Variants in CDC73 observed in about 807,000 individuals in gnomAD.
CDC73 encodes the protein cell division cycle 73.
CDC73 carries 21 observed loss-of-function variants against 83.7 expected under a neutral mutation model. That is an observed-to-expected ratio of 0.25 (90% CI 0.18 to 0.36). The LOEUF (loss-of-function observed/expected upper bound fraction) is 0.36, where lower values mean the gene tolerates loss of function less well. CDC73 is among the 10% of genes least tolerant of loss of function. The probability of loss-of-function intolerance (pLI) is 1.00; values close to 1 mark genes in which losing one functional copy is unlikely to be tolerated. For missense variants in CDC73, 342 were observed against 653.3 expected, an observed-to-expected ratio of 0.52 and a Z score of 5.19; for synonymous variants, 224 against 212.9, an observed-to-expected ratio of 1.05 and a Z score of -0.45.
intron 10 of CDC73, among the ~76,000 whole-genome samples, chr1:193,157,172 G>C (rs1040562914): frequency 2.0e-5 from 3 of 152,158 alleles, no homozygotes; most frequent in Non-Finnish European, 4.4e-5. Flanking sequence ...GCCCTGTGAT[G>C]GGGAGAGAGT....
At position 193,147,969 on chromosome 1, in the gene CDC73, A is replaced by G. The variant is rs777621924; in HGVS notation, c.828+4A>G. ...TGCCCCAAATGCAGCACCTGTGGTA[A>G]GAATGCTTTACTGCTTTACAGTAGA... On this transcript the variant is annotated splice_donor_region_variant and intron_variant, in intron 8 of 16. Transcript: ENST00000367435. 1.1e-5 allele frequency: 18 copies of G among 1,591,298 alleles called. 1 individual carries two copies. In the South Asian group the frequency reaches 1.9e-4, roughly 17 times the overall value.
At chr1:193,192,764 T>G (rs1676940441) in intron 10 of CDC73, among the ~76,000 whole-genome samples, 1 of 152,184 alleles carries the variant, frequency 6.6e-6, no homozygotes, top group Non-Finnish European at 1.5e-5. Context: ...TTGCCGGCAT[T>G]TATTCAGCAC....
intron 10 of CDC73, among the ~76,000 whole-genome samples, chr1:193,165,515 T>C (rs1261175306): frequency 6.6e-6 from 1 of 152,208 alleles, no homozygotes; most frequent in Non-Finnish European, 1.5e-5. Flanking sequence ...AAAATTCTGC[T>C]GTGACATATT....
chr1:193,124,811 G>A (rs1675534769), intron 1 of CDC73, among the ~76,000 whole-genome samples: 1 of 152,170 alleles, frequency 6.6e-6, no homozygotes, highest in Non-Finnish European at 1.5e-5. Flanking sequence ...CTTCGATATG[G>A]ATCTGGTTAG....
At chr1:193,203,660 T>C (rs1161226942) in intron 10 of CDC73, 135 bp from the exon 11 acceptor site, 17 of 720,568 alleles carry the variant, frequency 2.4e-5, no homozygotes, top group Non-Finnish European at 4.2e-5. Context: ...GGTCATAACA[T>C]GTTCAGTGGA....
rs886884666 is a variant in CDC73 at position 193,252,665 on chromosome 1, C to A, written c.*1953C>A. 1 of 231,394 alleles carries A rather than the reference C, an allele frequency of 4.3e-6. No homozygotes were observed. Among genetic ancestry groups the A allele is most frequent in the Non-Finnish European group, 8.6e-6 (1 of 116,900 alleles). The allele number at this position is 231,394 out of a possible 1,614,324, so 14.3% of individuals were successfully genotyped here. On this transcript the variant is annotated 3_prime_UTR_variant, in exon 17 of 17. Coordinates refer to ENST00000367435, the MANE Select transcript of CDC73 (RefSeq NM_024529.5). Reference sequence around the variant, plus strand: ...AATCAGACCCTTAGTATAAGCACCTCTTTTTCTTTTCCTCTTTGACAATTT... The same window carrying A: ...AATCAGACCCTTAGTATAAGCACCTATTTTTCTTTTCCTCTTTGACAATTT...
At chr1:193,124,333 T>G (rs1426909200) in intron 1 of CDC73, among the ~76,000 whole-genome samples, 1 of 152,268 alleles carries the variant, frequency 6.6e-6, no homozygotes, top group African/African-American at 2.4e-5. Flanking sequence ...ATATGGTTGT[T>G]AACTATTTAT....
At chr1:193,166,774 A>G (rs1004367324) in intron 10 of CDC73, among the ~76,000 whole-genome samples, 1 of 151,488 alleles carries the variant, frequency 6.6e-6, no homozygotes, top group Non-Finnish European at 1.5e-5. Flanking sequence ...AGCCTTCCCG[A>G]GTAGCTGGGA....
chr1:193,185,251 C>G (rs2103162832), intron 10 of CDC73, among the ~76,000 whole-genome samples: 1 of 152,132 alleles, frequency 6.6e-6, no homozygotes, highest in South Asian at 2.1e-4. Context: ...TGGAATCAGT[C>G]TTTTACATAA....
intron 15 of CDC73, among the ~76,000 whole-genome samples, chr1:193,237,537 G>A (rs1186194861): frequency 1.3e-5 from 2 of 152,134 alleles, no homozygotes; most frequent in East Asian, 1.9e-4. Context: ...ATCTAGATAA[G>A]TTAGTTTACT....
rs187498458 is a variant in CDC73 at position 193,236,886 on chromosome 1, A to G, written c.1417+530A>G. The G allele has an allele frequency of 2.8e-3, 437 of 153,486 alleles. 2 individuals carry two copies. Among genetic ancestry groups the G allele is most frequent in the Non-Finnish European group, 4.7e-3 (326 of 68,912 alleles). The allele number at this position is 153,486 out of a possible 1,614,324, so 9.5% of individuals were successfully genotyped here. On this transcript the variant is annotated intron_variant, in intron 15 of 16. Coordinates refer to ENST00000367435, the MANE Select transcript of CDC73 (RefSeq NM_024529.5). ...GCAACAAGAGCGAAACTCCGTCTCA[A>G]TAGGAAAAAAAAATTAATACTGTTG...
At chr1:193,202,245 G>GAA (rs879423591) in intron 10 of CDC73, among the ~76,000 whole-genome samples, 1,643 of 151,860 alleles carry the variant, frequency 0.011, 18 homozygotes, top group Admixed American at 0.031. Context: ...TCAACTAGCT[G>GAA]CAGTGCCCAG....
chr1:193,147,959 A>T lies in CDC73; in HGVS notation c.822A>T (p.Ala274=), dbSNP rs927001605. The T allele has an allele frequency of 6.2e-7, 1 of 1,607,358 alleles. No individual in the cohort carries two copies. Among genetic ancestry groups the T allele is most frequent in the Non-Finnish European group, 8.5e-7 (1 of 1,173,830 alleles). The change falls in exon 8 of 17, where the codon GCA becomes GCT. Residue 274 remains alanine, a synonymous_variant. Coordinates refer to ENST00000367435, the MANE Select transcript of CDC73 (RefSeq NM_024529.5). ...AACAGCGACCTGCCCCAAATGCAGC[A>T]CCTGTGGTAAGAATGCTTTACTGCT... ...APEQRPAPNA[A]PVDPTLRTKQ...
chr1:193,122,324 G>T lies in CDC73; in HGVS notation c.124G>T (p.Val42Phe), dbSNP rs757088747. 1 of 1,614,068 alleles carries T rather than the reference G, an allele frequency of 6.2e-7. No individual in the cohort carries two copies. Among genetic ancestry groups the T allele is most frequent in the Non-Finnish European group, 8.5e-7 (1 of 1,180,008 alleles). Residue 42 changes from valine (V) to phenylalanine (F), a missense_variant, in exon 1 of 17, where the codon GTT (valine) becomes TTT (phenylalanine). Around this residue, in one of 3 missense-constraint regions of CDC73, gnomAD observed 99 missense variants for 174.5 expected, o/e 0.57. Transcript: ENST00000367435. ...WPKNVKTNYV[V>F]WGTGKEGQPR... ...CAAGAATGTGAAGACCAACTATGTT[G>T]TTTGGGGGTAAGTCCGGCATGGCTG...
Position 193,162,318 on chromosome 1 carries a change from C to T in CDC73, c.972+9874C>T, listed in dbSNP as rs573930918. ...ATTATATATACTATATATTATATAT[C>T]ATATATACTATATACTATATATTAT... On this transcript the variant is annotated intron_variant, in intron 10 of 16. Coordinates refer to ENST00000367435, the MANE Select transcript of CDC73 (RefSeq NM_024529.5). Among the ~76,000 whole-genome samples the T allele has an allele frequency of 1.5e-3, 183 of 124,592 alleles. 2 individuals are homozygous for T. Among genetic ancestry groups the T allele is most frequent in the South Asian group, 4.9e-3 (20 of 4,100 alleles). 81.7% of individuals were successfully genotyped at this position (124,592 alleles called of 152,430 possible). A position where few individuals can be genotyped will look rare whatever the true frequency, so the allele number is the denominator to read the frequency against.
At chr1:193,185,238 AT>A (rs1268387175) in intron 10 of CDC73, among the ~76,000 whole-genome samples, 1 of 152,100 alleles carries the variant, frequency 6.6e-6, no homozygotes, top group East Asian at 1.9e-4. Context: ...AAATTTGATC[AT>A]TTGGAATCAG....
chr1:193,219,065 C>T (rs1021944399), intron 13 of CDC73, among the ~76,000 whole-genome samples: 1 of 151,742 alleles, frequency 6.6e-6, no homozygotes, highest in African/African-American at 2.4e-5. Context: ...ACAAACAGTC[C>T]TGAGCAAAGG....
chr1:193,219,699 A>C (rs1243962008), intron 13 of CDC73, among the ~76,000 whole-genome samples: 1 of 152,174 alleles, frequency 6.6e-6, no homozygotes, highest in African/African-American at 2.4e-5. Flanking sequence ...GTTGGACACA[A>C]AGAGGGAAAC....
At chr1:193,152,344 A>G (rs201765004) in intron 9 of CDC73, 36 bp from the exon 10 acceptor site, 15 of 1,393,436 alleles carry the variant, frequency 1.1e-5, no homozygotes, top group African/African-American at 7.1e-5. Flanking sequence ...TACATGATCT[A>G]TAAAATCTTA....
Sources: gnomAD v4.1 joint callset for allele counts (sites outside exome capture counted in the v4.1 genomes callset) on GRCh38, gnomAD v4.1.1 for gene constraint, gnomAD v4.1.1 regional missense constraint, MANE v1.5 for transcripts, NCBI Gene and HGNC (gene_info 2026-07-23, HGNC 2026-07-21) for gene names.